ADK: variants seen among roughly 807,000 people sequenced by gnomAD.
ADK encodes the protein adenosine kinase.
A neutral mutation model predicts 44.7 loss-of-function variants in ADK; 24 were observed. The observed-to-expected ratio is 0.54, with a 90% CI of 0.39 to 0.76. The LOEUF (loss-of-function observed/expected upper bound fraction) is 0.76. Among genes scored for constraint, ADK ranks in the 30% least tolerant of loss-of-function variants. The pLI, the probability that ADK is intolerant of heterozygous loss-of-function variation, is 0.00. For synonymous variants in ADK, 128 were observed against 142.6 expected, an observed-to-expected ratio of 0.90 and a Z score of 0.73; for missense variants, 321 against 425.1, an observed-to-expected ratio of 0.76 and a Z score of 2.15.
intron 7 of ADK, among the ~76,000 whole-genome samples, chr10:74,537,818 AAG>A (rs974801369): frequency 2.0e-4 from 30 of 152,314 alleles, no homozygotes; most frequent in Admixed American, 1.9e-3. Flanking sequence ...CATGCACTTT[AAG>A]ATAGTTTCAA....
intron 4 of ADK, among the ~76,000 whole-genome samples, chr10:74,330,028 C>G (rs1841164524): frequency 3.3e-5 from 5 of 151,526 alleles, no homozygotes; most frequent in Admixed American, 3.3e-4. Context: ...ATTAGCCAGG[C>G]ACGGTGGTAC....
At chr10:74,222,613 A>G (rs977766704) in intron 2 of ADK, among the ~76,000 whole-genome samples, 1 of 152,210 alleles carries the variant, frequency 6.6e-6, no homozygotes. Flanking sequence ...AACCAACCCA[A>G]ATGTCCAACA....
chr10:74,405,593 C>G (rs1843891755), intron 6 of ADK, among the ~76,000 whole-genome samples: 1 of 151,946 alleles, frequency 6.6e-6, no homozygotes, highest in Non-Finnish European at 1.5e-5. Flanking sequence ...TATAGGGGTG[C>G]AAATCCTATT....
At chr10:74,521,710 C>A (rs1337475492) in intron 6 of ADK, among the ~76,000 whole-genome samples, 2 of 152,062 alleles carry the variant, frequency 1.3e-5, no homozygotes, top group African/African-American at 2.4e-5. Flanking sequence ...ACTATGGAGA[C>A]AAGATGCTGT....
intron 6 of ADK, among the ~76,000 whole-genome samples, chr10:74,449,719 G>A (rs967788524): frequency 1.3e-5 from 2 of 152,276 alleles, no homozygotes; most frequent in South Asian, 2.1e-4. Flanking sequence ...CATGGATGAT[G>A]CATATGCTTT....
At chr10:74,276,806 G>A (rs1032316867) in intron 3 of ADK, among the ~76,000 whole-genome samples, 1 of 152,030 alleles carries the variant, frequency 6.6e-6, no homozygotes, top group African/African-American at 2.4e-5. Context: ...GTAGTTATAT[G>A]GGATTGTGTG....
At chr10:74,537,498 A>G (rs1394348908) in intron 7 of ADK, among the ~76,000 whole-genome samples, 1 of 152,248 alleles carries the variant, frequency 6.6e-6, no homozygotes, top group Non-Finnish European at 1.5e-5. Context: ...TAATCCATTG[A>G]TGCCCCTTAA....
In ADK at chr10:74,229,429, G is replaced by A. The variant is rs958152824; in HGVS notation, c.194+4838G>A. On this transcript the variant is annotated intron_variant, in intron 3 of 10. Transcript: ENST00000539909. ...TTTTTTTTTGGTGAGATGGAGTCTC[G>A]CTCTGTCGCCCAGGCTGGAGTGCAG... Among the ~76,000 whole-genome samples the A allele has an allele frequency of 1.2e-4, 16 of 129,190 alleles. No homozygotes were observed. The East Asian group carries it at 3.1e-3, about 25-fold the overall frequency. The allele number at this position is 129,190 out of a possible 152,430, so 84.8% of individuals were successfully genotyped here.
intron 6 of ADK, among the ~76,000 whole-genome samples, chr10:74,427,709 TTTTGTA>T: frequency 1.4e-5 from 2 of 142,150 alleles, no homozygotes; most frequent in African/African-American, 5.3e-5. Context: ...GTGCATGTAT[TTTTGTA>T]TATGTATATG....
At chr10:74,310,874 A>G (rs973920981) in intron 3 of ADK, among the ~76,000 whole-genome samples, 1 of 152,028 alleles carries the variant, frequency 6.6e-6, no homozygotes, top group Admixed American at 6.6e-5. Flanking sequence ...TCAAATTTCA[A>G]TTCAGATGTT....
At chr10:74,216,263 A>C (rs761502064) in intron 2 of ADK, among the ~76,000 whole-genome samples, 21 of 152,162 alleles carry the variant, frequency 1.4e-4, no homozygotes, top group Non-Finnish European at 2.1e-4. Flanking sequence ...AAAATGTGTA[A>C]ATTTTAAAAT....
At chr10:74,276,218 G>A (rs1846671863) in intron 3 of ADK, among the ~76,000 whole-genome samples, 1 of 152,120 alleles carries the variant, frequency 6.6e-6, no homozygotes, top group Admixed American at 6.5e-5. Flanking sequence ...TGTAATATGG[G>A]CCCTGTGAGG....
intron 4 of ADK, among the ~76,000 whole-genome samples, chr10:74,383,963 G>A (rs1351369058): frequency 1.3e-5 from 2 of 152,140 alleles, no homozygotes; most frequent in Non-Finnish European, 2.9e-5. Flanking sequence ...TATTTTGGGG[G>A]TAGTGTGTCC....
At chr10:74,405,962 T>C (rs912947989) in intron 6 of ADK, among the ~76,000 whole-genome samples, 18 of 152,204 alleles carry the variant, frequency 1.2e-4, no homozygotes, top group African/African-American at 4.3e-4. Flanking sequence ...TAAATCTTTC[T>C]GTTCTCTGAT....
chr10:74,613,014 T>C lies in ADK; in HGVS notation c.877+12521T>C, dbSNP rs149078238. On this transcript the variant is annotated intron_variant, in intron 9 of 10. Transcript: ENST00000539909. ...TCTATTTTTGTGCCAATACCATTGC[T>C]ATTTTGGTTACTATACCCTAGTAGT... is the stretch of plus-strand genomic sequence containing the variant. Among the ~76,000 whole-genome samples, 920 of 152,240 alleles carry C rather than the reference T, an allele frequency of 6.0e-3. 5 individuals carry two copies. Among genetic ancestry groups the C allele is most frequent in the African/African-American group, 0.021 (889 of 41,554 alleles).
At chr10:74,176,418 G>A (rs1162832731) in intron 1 of ADK, 12 of 1,009,828 alleles carry the variant, frequency 1.2e-5, no homozygotes, top group African/African-American at 1.7e-5. Flanking sequence ...TTTCCTAAGT[G>A]CTGTTACAGG....
At chr10:74,556,421 G>A (rs1156934455) in intron 7 of ADK, among the ~76,000 whole-genome samples, 1 of 152,146 alleles carries the variant, frequency 6.6e-6, no homozygotes. Flanking sequence ...AAAGCAATTG[G>A]CAGTAATATA....
intron 7 of ADK, among the ~76,000 whole-genome samples, chr10:74,566,942 T>G (rs1466430679): frequency 6.6e-6 from 1 of 152,238 alleles, no homozygotes; most frequent in Non-Finnish European, 1.5e-5. Context: ...GAATATGTGT[T>G]TTGCTTAACG....
chr10:74,356,014 T>TG (rs757573274), intron 4 of ADK, among the ~76,000 whole-genome samples: 8 of 128,236 alleles, frequency 6.2e-5, no homozygotes, highest in Non-Finnish European at 1.3e-4. Context: ...TTTTTTTTTT[T>TG]TTTTTTTTTT....
Sources: gnomAD v4.1 joint callset for allele counts (sites outside exome capture counted in the v4.1 genomes callset) on GRCh38, gnomAD v4.1.1 for gene constraint, MANE v1.5 for transcripts, NCBI Gene and HGNC (gene_info 2026-07-23, HGNC 2026-07-21) for gene names.